KHDRBS2: variants seen among roughly 807,000 people sequenced by gnomAD.
KHDRBS2 encodes KH RNA binding domain containing, signal transduction associated 2.
Under a neutral mutation model 44.3 loss-of-function variants are expected in KHDRBS2, and 26 were observed. The ratio of observed to expected loss-of-function variants is 0.59; its 90% CI spans 0.43 to 0.81. The LOEUF (loss-of-function observed/expected upper bound fraction) is 0.81. KHDRBS2 is among the 40% of genes least tolerant of loss of function. KHDRBS2 has a pLI of 0.00. For synonymous variants in KHDRBS2, 194 were observed against 151.1 expected, an observed-to-expected ratio of 1.28 and a Z score of -2.08; for missense variants, 476 against 433.1, an observed-to-expected ratio of 1.10 and a Z score of -0.88.
chr6:62,234,333 C>T (rs1833366587), intron 1 of KHDRBS2, among the ~76,000 whole-genome samples: 1 of 152,070 alleles, frequency 6.6e-6, no homozygotes, highest in Non-Finnish European at 1.5e-5. Flanking sequence ...TTACTAATTA[C>T]AGCACAATTT....
intron 6 of KHDRBS2, among the ~76,000 whole-genome samples, chr6:61,872,420 A>C (rs1798790390): frequency 1.3e-5 from 2 of 152,272 alleles, no homozygotes; most frequent in Admixed American, 1.3e-4. Flanking sequence ...AAAATAAGAA[A>C]TATTTCTGGA....
chr6:62,050,964 A>G (rs887831944), intron 2 of KHDRBS2, among the ~76,000 whole-genome samples: 1 of 152,102 alleles, frequency 6.6e-6, no homozygotes, highest in African/African-American at 2.4e-5. Context: ...GATTGACACA[A>G]CAACCTGGAT....
intron 4 of KHDRBS2, among the ~76,000 whole-genome samples, chr6:61,918,430 G>C (rs951767282): frequency 6.6e-6 from 1 of 151,856 alleles, no homozygotes; most frequent in African/African-American, 2.4e-5. Flanking sequence ...AGGAAACCAG[G>C]TTTGGATGTT....
intron 6 of KHDRBS2, among the ~76,000 whole-genome samples, chr6:61,894,047 A>G (rs1802478533): frequency 6.6e-6 from 1 of 152,214 alleles, no homozygotes; most frequent in African/African-American, 2.4e-5. Flanking sequence ...ACTAAAGGTT[A>G]AAAGATGTTT....
At chr6:61,857,705 A>G (rs1197610602) in intron 6 of KHDRBS2, among the ~76,000 whole-genome samples, 1 of 152,004 alleles carries the variant, frequency 6.6e-6, no homozygotes, top group Non-Finnish European at 1.5e-5. Flanking sequence ...TTTGGAATTG[A>G]TTGAACAGTA....
At chr6:61,781,561 A>G (rs1782930412) in intron 6 of KHDRBS2, among the ~76,000 whole-genome samples, 1 of 152,014 alleles carries the variant, frequency 6.6e-6, no homozygotes, top group Non-Finnish European at 1.5e-5. Context: ...CCAAACCTTC[A>G]TTTTTTATAA....
chr6:62,152,127 C>A (rs966922767), intron 2 of KHDRBS2, among the ~76,000 whole-genome samples: 3 of 152,008 alleles, frequency 2.0e-5, no homozygotes, highest in Admixed American at 6.6e-5. Flanking sequence ...CGAGACCAGT[C>A]TGAACAACAT....
Position 61,894,679 on chromosome 6 carries a change from A to G in KHDRBS2, c.766T>C (p.Tyr256His), listed in dbSNP as rs562494152. 3.1e-6 allele frequency: 5 copies of G among 1,613,436 alleles called. No individual in the cohort carries two copies. In the South Asian group the frequency reaches 3.3e-5, roughly 11 times the overall value. Residue 256 changes from tyrosine (Y) to histidine (H), a missense_variant, in exon 6 of 9, where the codon TAC (tyrosine) becomes CAC (histidine). Coordinates refer to ENST00000281156, the MANE Select transcript of KHDRBS2 (RefSeq NM_152688.4). ...TGGGCTGGAGGAGGAGGTGCCCTGT[A>G]TCCTGGCACTGTTGGTGCCCCCCGG... The part of the protein sequence containing the change: ...RARGAPTVPG[Y>H]RAPPPPAHEA...
intron 6 of KHDRBS2, among the ~76,000 whole-genome samples, chr6:61,818,275 A>AG (rs1292531231): frequency 6.6e-6 from 1 of 151,666 alleles, no homozygotes; most frequent in East Asian, 1.9e-4. Context: ...GTAAAAAAAA[A>AG]AAAAAAAAGG....
chr6:62,210,409 C>A (rs574486622), intron 1 of KHDRBS2, among the ~76,000 whole-genome samples: 5 of 148,938 alleles, frequency 3.4e-5, no homozygotes, highest in South Asian at 2.1e-4. Context: ...TGGCTCATTG[C>A]AAACTCCGCC....
chr6:61,741,649 C>T (rs147912813), intron 6 of KHDRBS2, among the ~76,000 whole-genome samples: 6 of 151,854 alleles, frequency 4.0e-5, no homozygotes, highest in Non-Finnish European at 8.8e-5. Context: ...CAGGAAATTG[C>T]CATTTTTGTA....
intron 3 of KHDRBS2, among the ~76,000 whole-genome samples, chr6:62,027,153 G>C (rs1331510923): frequency 3.3e-5 from 5 of 151,978 alleles, no homozygotes; most frequent in South Asian, 2.1e-4. Flanking sequence ...TTCGACTGTA[G>C]TTTGAAGGAA....
intron 2 of KHDRBS2, among the ~76,000 whole-genome samples, chr6:62,048,942 C>G (rs1449816947): frequency 6.6e-6 from 1 of 151,786 alleles, no homozygotes; most frequent in African/African-American, 2.4e-5. Context: ...TTCTTTCCTT[C>G]TCTTTTCTTT....
intron 8 of KHDRBS2, among the ~76,000 whole-genome samples, chr6:61,686,909 G>T (rs925333258): frequency 6.6e-6 from 1 of 151,220 alleles, no homozygotes; most frequent in African/African-American, 2.4e-5. Flanking sequence ...CAAAAAAAAT[G>T]AGATTTACTG....
intron 4 of KHDRBS2, among the ~76,000 whole-genome samples, chr6:61,903,125 CTT>C (rs1316955336): frequency 6.6e-6 from 1 of 152,128 alleles, no homozygotes; most frequent in African/African-American, 2.4e-5. Flanking sequence ...AACAACTAAA[CTT>C]AAGAATAAAC....
intron 4 of KHDRBS2, among the ~76,000 whole-genome samples, chr6:61,911,599 CTTT>C (rs1392897587): frequency 2.0e-5 from 3 of 151,994 alleles, no homozygotes; most frequent in Admixed American, 6.6e-5. Context: ...GTGGCTGCTG[CTTT>C]TTGTTTTATT....
chr6:62,258,329 G>T (rs1585466231), intron 1 of KHDRBS2, among the ~76,000 whole-genome samples: 1 of 151,978 alleles, frequency 6.6e-6, no homozygotes, highest in African/African-American at 2.4e-5. Flanking sequence ...GTGGTTTAAT[G>T]GTTAATACGG....
intron 6 of KHDRBS2, among the ~76,000 whole-genome samples, chr6:61,850,923 C>G (rs2127283783): frequency 6.6e-6 from 1 of 152,234 alleles, no homozygotes; most frequent in Non-Finnish European, 1.5e-5. Flanking sequence ...ATCCTCCAGG[C>G]TTGTTCTAGT....
At chr6:62,073,530 C>CTTTTTTTTTTTTTTTTTTTTTTTT (rs60124030) in intron 2 of KHDRBS2, among the ~76,000 whole-genome samples, 4 of 124,416 alleles carry the variant, frequency 3.2e-5, no homozygotes, top group Non-Finnish European at 5.1e-5. Flanking sequence ...TTTCTTTTTT[C>CTTTTTTTTTTTTTTTTTTTTTTTT]TTTTTTTTTT....
Sources: allele counts gnomAD v4.1 joint callset (sites outside exome capture counted in the v4.1 genomes callset), GRCh38; gene constraint gnomAD v4.1.1; transcripts MANE v1.5; gene names NCBI Gene and HGNC (gene_info 2026-07-23, HGNC 2026-07-21).